Variants in LCLAT1 observed in about 807,000 individuals in gnomAD.
LCLAT1 encodes the protein 1-AGP acyltransferase 8.
In LCLAT1, 11 loss-of-function variants were observed where a neutral mutation model predicts 30.7. The ratio of observed to expected loss-of-function variants is 0.36; its 90% CI spans 0.23 to 0.59. LCLAT1 has a LOEUF of 0.59. LCLAT1 is among the 20% of genes least tolerant of loss of function. LCLAT1 has a pLI of 0.77. For missense variants in LCLAT1, 402 were observed against 458.6 expected, an observed-to-expected ratio of 0.88 and a Z score of 1.13; for synonymous variants, 155 against 151.3, an observed-to-expected ratio of 1.02 and a Z score of -0.18.
intron 5 of LCLAT1, among the ~76,000 whole-genome samples, chr2:30,584,826 A>G (rs1458425757): frequency 6.6e-6 from 1 of 152,164 alleles, no homozygotes. Flanking sequence ...CAAGCACATC[A>G]TAAAGCATCA....
At chr2:30,454,247 A>G (rs138211503) in intron 1 of LCLAT1, among the ~76,000 whole-genome samples, 47 of 152,232 alleles carry the variant, frequency 3.1e-4, no homozygotes, top group African/African-American at 1.1e-3. Context: ...ATGTGTTATA[A>G]TGATTGTTTT....
At chr2:30,607,083 C>G (rs1355275703) in intron 5 of LCLAT1, 1 of 152,104 alleles carries the variant, frequency 6.6e-6, no homozygotes, top group African/African-American at 2.4e-5. Context: ...AGTCATGAAA[C>G]AACAGATGCT....
chr2:30,538,815 T>A (rs1226885283), intron 3 of LCLAT1, among the ~76,000 whole-genome samples: 4 of 151,922 alleles, frequency 2.6e-5, no homozygotes, highest in Non-Finnish European at 4.4e-5. Context: ...ATATAAACTT[T>A]CAAGATTGAA....
chr2:30,488,195 A>AT (rs1402607555), intron 1 of LCLAT1, among the ~76,000 whole-genome samples: 12 of 152,148 alleles, frequency 7.9e-5, no homozygotes, highest in Non-Finnish European at 1.8e-4. Context: ...AATCACATGA[A>AT]TTTTTTTCCA....
intron 3 of LCLAT1, among the ~76,000 whole-genome samples, chr2:30,556,809 G>A (rs903858932): frequency 1.1e-4 from 16 of 146,828 alleles, no homozygotes; most frequent in Non-Finnish European, 1.9e-4. Context: ...GCAGTGGCAC[G>A]ATCTCGGCGC....
At chr2:30,540,969 AT>A (rs1441638487) in intron 3 of LCLAT1, among the ~76,000 whole-genome samples, 1 of 151,748 alleles carries the variant, frequency 6.6e-6, no homozygotes, top group Admixed American at 6.6e-5. Context: ...GGCCACATTT[AT>A]TTTTTTTAAA....
chr2:30,482,728 T>C (rs1683379726), intron 1 of LCLAT1, among the ~76,000 whole-genome samples: 1 of 151,364 alleles, frequency 6.6e-6, no homozygotes, highest in Non-Finnish European at 1.5e-5. Context: ...TTGAGGCTAG[T>C]AGTTCGATTA....
rs116277543 is a variant in LCLAT1 at position 30,458,700 on chromosome 2, C to T, written c.-5+11317C>T. On this transcript the variant is annotated intron_variant, in intron 1 of 5. Transcript: ENST00000379509. ...ACTGGTTGAGTCTGAAGAAAGGATA[C>T]TCAGAAACTGAGAATTTAAATCTCC... Among the ~76,000 whole-genome samples the T allele has an allele frequency of 5.5e-3, 844 of 152,230 alleles. 5 individuals carry two copies. The highest frequency in any genetic ancestry group is 7.5e-3 in the Non-Finnish European group (513 of 68,014).
chr2:30,470,761 C>T (rs1273967547), intron 1 of LCLAT1, among the ~76,000 whole-genome samples: 1 of 152,088 alleles, frequency 6.6e-6, no homozygotes, highest in Non-Finnish European at 1.5e-5. Flanking sequence ...CTTGGAATTC[C>T]ATTCATATTT....
At chr2:30,616,992 A>G (rs187418662) in intron 5 of LCLAT1, among the ~76,000 whole-genome samples, 7 of 152,218 alleles carry the variant, frequency 4.6e-5, no homozygotes, top group East Asian at 1.9e-4. Context: ...TATCACTTAA[A>G]TTTTTTTAGG....
intron 5 of LCLAT1, among the ~76,000 whole-genome samples, chr2:30,637,369 A>T (rs1669083911): frequency 6.6e-6 from 1 of 152,060 alleles, no homozygotes; most frequent in South Asian, 2.1e-4. Flanking sequence ...AGACATATTA[A>T]CATCTTAAGG....
chr2:30,492,088 C>G (rs1398511700), intron 1 of LCLAT1, among the ~76,000 whole-genome samples: 4 of 151,922 alleles, frequency 2.6e-5, no homozygotes, highest in Non-Finnish European at 5.9e-5. Context: ...AACTTGTAGC[C>G]TAAAATTTTA....
chr2:30,515,829 T>C (rs1685154675), intron 1 of LCLAT1, among the ~76,000 whole-genome samples: 1 of 152,228 alleles, frequency 6.6e-6, no homozygotes, highest in South Asian at 2.1e-4. Context: ...TTTTAAAGAT[T>C]AAATATTTAA....
intron 1 of LCLAT1, among the ~76,000 whole-genome samples, chr2:30,448,184 A>G (rs1681361501): frequency 6.6e-6 from 1 of 152,226 alleles, no homozygotes; most frequent in African/African-American, 2.4e-5. Flanking sequence ...TTAGGGATTG[A>G]AGTCACTTTA....
At chr2:30,468,197 T>C (rs1170878276) in intron 1 of LCLAT1, among the ~76,000 whole-genome samples, 1 of 152,242 alleles carries the variant, frequency 6.6e-6, no homozygotes, top group African/African-American at 2.4e-5. Flanking sequence ...ATTTATTAAA[T>C]AGGGAATCCT....
intron 3 of LCLAT1, among the ~76,000 whole-genome samples, chr2:30,534,319 G>C (rs1386970251): frequency 1.3e-5 from 2 of 151,604 alleles, no homozygotes; most frequent in East Asian, 1.9e-4. Flanking sequence ...GGAGTGCAGT[G>C]GTGCAATCTG....
chr2:30,548,561 G>A (rs1434207602), intron 3 of LCLAT1, among the ~76,000 whole-genome samples: 1 of 152,112 alleles, frequency 6.6e-6, no homozygotes, highest in African/African-American at 2.4e-5. Context: ...AGGTTTTTTT[G>A]TGCAGAGGAA....
Position 30,640,208 on chromosome 2 carries a change from C to T in LCLAT1, c.720C>T (p.Pro240=), listed in dbSNP as rs1369204727. The change falls in exon 6 of 6, where the codon CCC becomes CCT. Residue 240 remains proline, a synonymous_variant. Transcript: ENST00000379509. Reference sequence around the variant, plus strand: ...AGCACCTCCTCCAAGGAGACTTTCCCAGGGAAATCCACTTTCACGTCCACC... The same window carrying T: ...AGCACCTCCTCCAAGGAGACTTTCCTAGGGAAATCCACTTTCACGTCCACC... The part of the protein sequence containing the change: ...SEKHLLQGDF[P]REIHFHVHRY... The T allele has an allele frequency of 2.5e-6, 4 of 1,613,992 alleles. No individual in the cohort carries two copies. The highest frequency in any genetic ancestry group is 1.1e-5 in the South Asian group (1 of 91,080).
intron 3 of LCLAT1, among the ~76,000 whole-genome samples, chr2:30,543,851 T>A (rs1664266809): frequency 6.6e-6 from 1 of 152,096 alleles, no homozygotes; most frequent in African/African-American, 2.4e-5. Flanking sequence ...TTCATTGATT[T>A]CTTTCCCTCC....
Sources: gnomAD v4.1 joint callset for allele counts (sites outside exome capture counted in the v4.1 genomes callset) on GRCh38, gnomAD v4.1.1 for gene constraint, MANE v1.5 for transcripts, NCBI Gene and HGNC (gene_info 2026-07-23, HGNC 2026-07-21) for gene names.